COL4A6: variants seen among roughly 807,000 people sequenced by gnomAD.
COL4A6 encodes the protein collagen type IV alpha 6 chain.
A neutral mutation model predicts 126.7 loss-of-function variants in COL4A6; 59 were observed. The ratio of observed to expected loss-of-function variants is 0.47; its 90% CI spans 0.38 to 0.58. COL4A6 has a LOEUF of 0.58. Among genes scored for constraint, COL4A6 ranks in the 20% least tolerant of loss-of-function variants. The pLI, the probability that COL4A6 is intolerant of heterozygous loss-of-function variation, is 0.00. For missense variants in COL4A6, 1,285 were observed against 1,337.3 expected (o/e 0.96, Z 0.61); for synonymous variants, 547 against 496.6 (o/e 1.10, Z -1.35).
At chrX:108,437,743 A>AT (rs2064293747) in intron 2 of COL4A6, among the ~76,000 whole-genome samples, 199 bp downstream of exon 2, 1 of 111,511 alleles carries the variant, frequency 9.0e-6, no homozygotes, top group African/African-American at 3.3e-5. Flanking sequence ...GTTTTGGAAG[A>AT]TATCTTGGTC....
intron 3 of COL4A6, among the ~76,000 whole-genome samples, chrX:108,245,750 A>C (rs776022745): frequency 8.9e-6 from 1 of 111,786 alleles, no homozygotes; most frequent in Non-Finnish European, 1.9e-5. Context: ...GATCCAGTGT[A>C]GGTCCCAGTG....
intron 3 of COL4A6, among the ~76,000 whole-genome samples, chrX:108,270,772 A>AG (rs2037428456): frequency 8.9e-6 from 1 of 112,117 alleles, no homozygotes; most frequent in African/African-American, 3.2e-5. Flanking sequence ...AGAGTGGGTA[A>AG]GTAACTTAAA....
chrX:108,214,306 C>A, intron 5 of COL4A6, 78 bp from the exon 6 acceptor site: 1 of 690,500 alleles, frequency 1.4e-6, no homozygotes. Flanking sequence ...GCGAGAAAAG[C>A]CAAGCATGCT....
intron 2 of COL4A6, among the ~76,000 whole-genome samples, chrX:108,352,715 G>C (rs2039872745): frequency 8.9e-6 from 1 of 112,167 alleles, no homozygotes; most frequent in African/African-American, 3.2e-5. Context: ...CTGCAAAATA[G>C]GTCTGAATTT....
chrX:108,414,723 T>C (rs1207978370), intron 2 of COL4A6, among the ~76,000 whole-genome samples: 1 of 110,409 alleles, frequency 9.1e-6, no homozygotes, highest in Non-Finnish European at 1.9e-5. Flanking sequence ...GCCTGGGAAG[T>C]TGAGGCTGCA....
intron 2 of COL4A6, among the ~76,000 whole-genome samples, chrX:108,313,760 A>C (rs1186226237): frequency 2.7e-5 from 3 of 112,394 alleles, no homozygotes; most frequent in African/African-American, 9.7e-5. Flanking sequence ...ACATGGCTAT[A>C]TTAGAAGATG....
chrX:108,202,582 C>A (rs773790780), intron 13 of COL4A6, among the ~76,000 whole-genome samples: 48 of 112,076 alleles, frequency 4.3e-4, no homozygotes, highest in African/African-American at 1.4e-3. Flanking sequence ...ACCACCCCAT[C>A]ATTCTCCCCT....
intron 2 of COL4A6, among the ~76,000 whole-genome samples, chrX:108,342,628 T>C (rs946830684): frequency 8.9e-6 from 1 of 111,788 alleles, no homozygotes; most frequent in African/African-American, 3.3e-5. Flanking sequence ...TGGGTAGACA[T>C]CTTGCTGCAC....
At chrX:108,336,297 AAATAC>A (rs2039431041) in intron 2 of COL4A6, among the ~76,000 whole-genome samples, 2 of 112,302 alleles carry the variant, frequency 1.8e-5, no homozygotes, top group Admixed American at 1.9e-4. Flanking sequence ...ATTCAGCCAT[AAATAC>A]AATACAATTC....
chrX:108,326,398 G>A (rs1379420438), intron 2 of COL4A6, among the ~76,000 whole-genome samples: 2 of 108,964 alleles, frequency 1.8e-5, no homozygotes, highest in Admixed American at 9.6e-5. Context: ...TTAAATAAAT[G>A]GAAAGATATC....
intron 3 of COL4A6, among the ~76,000 whole-genome samples, chrX:108,292,993 C>CAAA (rs149076547): frequency 2.1e-4 from 3 of 14,555 alleles, no homozygotes; most frequent in Non-Finnish European, 2.4e-4. Context: ...AGGAAAAAAG[C>CAAA]AAAAAAAAAA....
At chrX:108,191,607 T>A (rs900194477) in intron 18 of COL4A6, 74 bp from the exon 19 acceptor site, 1 of 1,089,893 alleles carries the variant, frequency 9.2e-7, no homozygotes, top group Non-Finnish European at 1.2e-6. Context: ...CTGTGGCATA[T>A]GTTGGAAACA....
At chrX:108,164,732 G>A (rs144653894) in intron 39 of COL4A6, 34 bp from the exon 40 acceptor site, 28,945 of 1,193,740 alleles carry the variant, frequency 0.024, 306 homozygotes, top group Non-Finnish European at 0.03. Context: ...GTCAGGTCCC[G>A]GCATGGTAGG....
intron 2 of COL4A6, among the ~76,000 whole-genome samples, chrX:108,437,229 G>A (rs893483750): frequency 8.9e-6 from 1 of 111,774 alleles, no homozygotes; most frequent in Non-Finnish European, 1.9e-5. Context: ...TACTTTCTGG[G>A]ACCCATTAAA....
intron 2 of COL4A6, among the ~76,000 whole-genome samples, chrX:108,424,348 AAAGAT>A (rs1477515754): frequency 8.9e-6 from 1 of 112,464 alleles, no homozygotes; most frequent in African/African-American, 3.2e-5. Flanking sequence ...TTTTGAAAGC[AAAGAT>A]AAGTCATCAA....
At chrX:108,266,041 C>A (rs780469154) in intron 3 of COL4A6, among the ~76,000 whole-genome samples, 117 of 111,912 alleles carry the variant, frequency 1.0e-3, no homozygotes, top group African/African-American at 3.7e-3. Flanking sequence ...TCCTTGGAGG[C>A]AGACATAAGC....
At position 108,174,530 on chromosome X, in the gene COL4A6, T is replaced by C; in HGVS notation, c.3048A>G (p.Pro1016=). 8.3e-7 allele frequency: 1 copy of C among 1,210,664 alleles called. No homozygotes were observed. Among genetic ancestry groups the C allele is most frequent in the Non-Finnish European group, 1.1e-6 (1 of 894,849 alleles). The part of the protein sequence containing the change: ...PGIIKGVSGK[P]GPPGFMGIRG... ...GGATTCCCATGAAGCCAGGGGGCCC[T>C]GGCTTTCCACTAACTCCTTTGATAA... The change falls in exon 31 of 45, where the codon CCA becomes CCG. Residue 1016 remains proline (P), a synonymous_variant. Coordinates refer to ENST00000334504, the MANE Select transcript of COL4A6 (RefSeq NM_033641.4).
At chrX:108,249,862 C>A (rs1017147301) in intron 3 of COL4A6, among the ~76,000 whole-genome samples, 3 of 111,894 alleles carry the variant, frequency 2.7e-5, no homozygotes, top group African/African-American at 9.8e-5. Flanking sequence ...CCACTTCCTC[C>A]CTTTCAGGAG....
At chrX:108,381,279 T>C (rs758994554) in intron 2 of COL4A6, among the ~76,000 whole-genome samples, 1 of 111,780 alleles carries the variant, frequency 8.9e-6, no homozygotes, top group South Asian at 3.8e-4. Flanking sequence ...TGAGTTCTAC[T>C]TGAGAGCTTA....
Sources: gnomAD v4.1 joint callset for allele counts (sites outside exome capture counted in the v4.1 genomes callset) on GRCh38, gnomAD v4.1.1 for gene constraint, MANE v1.5 for transcripts, NCBI Gene and HGNC (gene_info 2026-07-23, HGNC 2026-07-21) for gene names.